The following ARHGAP10 variants were observed in gnomAD, a reference collection of about 807,000 sequenced individuals.
ARHGAP10 encodes rho GTPase-activating protein 10.
A neutral mutation model predicts 108.6 loss-of-function variants in ARHGAP10; 87 were observed. The observed-to-expected ratio is 0.80, with a 90% CI of 0.67 to 0.96. The LOEUF (loss-of-function observed/expected upper bound fraction) is 0.96. Among genes scored for constraint, ARHGAP10 ranks in the 40% least tolerant of loss-of-function variants. The pLI, the probability that ARHGAP10 is intolerant of heterozygous loss-of-function variation, is 0.00. For synonymous variants in ARHGAP10, 347 were observed against 341.1 expected, an observed-to-expected ratio of 1.02 and a Z score of -0.19; for missense variants, 939 against 954.5, an observed-to-expected ratio of 0.98 and a Z score of 0.21.
rs1739153345 is a variant in ARHGAP10, at chr4:147,965,031, C to A, written c.1458C>A (p.Gly486=). ...TTATTTTTTTTTTGGAAGAAAGCGG[C>A]AGCCCAGAATCTCGTGTTAATGCGA... ...HGDFIVPAKS[G]SPESRVNAIH... The change falls in exon 17 of 23, where the codon GGC becomes GGA. Residue 486 remains glycine (G), a synonymous_variant. Transcript: ENST00000336498. 2 of 1,533,888 alleles carry A rather than the reference C, an allele frequency of 1.3e-6. No individual in the cohort carries two copies. Among genetic ancestry groups the A allele is most frequent in the African/African-American group, 1.4e-5 (1 of 71,062 alleles).
At chr4:147,914,099 C>T (rs530006157) in intron 13 of ARHGAP10, among the ~76,000 whole-genome samples, 1 of 152,246 alleles carries the variant, frequency 6.6e-6, no homozygotes, top group South Asian at 2.1e-4. Flanking sequence ...TTGCAGTGAG[C>T]CGAGATCGTG....
In ARHGAP10 at chr4:147,732,095, C is replaced by T. The variant is rs531613516; in HGVS notation, c.-207C>T. On this transcript the variant is annotated 5_prime_UTR_variant, in exon 1 of 23. Transcript: ENST00000336498. ...GCGGGGGCTGCCGGGATTGGGGCGC[C>T]GCAGCTAGCGCTGGTCTCGGTGGCA... 4 of 350,434 alleles carry T rather than the reference C, an allele frequency of 1.1e-5. No individual in the cohort carries two copies. Among genetic ancestry groups the T allele is most frequent in the African/African-American group, 2.2e-5 (1 of 46,234 alleles). The allele number at this position is 350,434 out of a possible 1,614,324, so 21.7% of individuals were successfully genotyped here. A position where few individuals can be genotyped will look rare whatever the true frequency, so the allele number is the denominator to read the frequency against.
chr4:147,955,262 A>G lies in ARHGAP10; in HGVS notation c.1392-54A>G, dbSNP rs1738745727. ...TTAACATCCTTTCATAAAAAAACTC[A>G]GAAGTGACTTGTTTGGATTTATTTG... On this transcript the variant is annotated intron_variant, in intron 15 of 22. Coordinates refer to ENST00000336498, the MANE Select transcript of ARHGAP10 (RefSeq NM_024605.4). The G allele has an allele frequency of 2.0e-6, 3 of 1,516,280 alleles. No homozygotes were observed. In the East Asian group the frequency reaches 6.8e-5, roughly 34 times the overall value. 93.9% of individuals were successfully genotyped at this position (1,516,280 alleles called of 1,614,324 possible). A position where few individuals can be genotyped will look rare whatever the true frequency, so the allele number is the denominator to read the frequency against.
intron 7 of ARHGAP10, among the ~76,000 whole-genome samples, chr4:147,869,789 A>G (rs1734725704): frequency 6.6e-6 from 1 of 151,912 alleles, no homozygotes; most frequent in African/African-American, 2.4e-5. Flanking sequence ...TTGTTCTTCA[A>G]AATTTTAGCT....
chr4:147,770,585 C>T (rs1730036754), intron 1 of ARHGAP10, among the ~76,000 whole-genome samples: 1 of 152,138 alleles, frequency 6.6e-6, no homozygotes, highest in Non-Finnish European at 1.5e-5. Context: ...CTGTATTTAA[C>T]TTATAGTCAT....
chr4:147,852,122 A>T (rs570213789), intron 4 of ARHGAP10, among the ~76,000 whole-genome samples: 5 of 152,252 alleles, frequency 3.3e-5, no homozygotes, highest in African/African-American at 1.2e-4. Flanking sequence ...CCCATTCATG[A>T]CTTGCTCCCC....
chr4:147,879,733 C>G (rs1211037246), intron 9 of ARHGAP10, among the ~76,000 whole-genome samples: 1 of 152,034 alleles, frequency 6.6e-6, no homozygotes, highest in Non-Finnish European at 1.5e-5. Flanking sequence ...TGTGATGTTC[C>G]CCTCCCTGTG....
At chr4:147,866,933 C>T (rs1560799475) in intron 7 of ARHGAP10, 117 bp downstream of exon 7, 5 of 840,908 alleles carry the variant, frequency 5.9e-6, no homozygotes, top group Non-Finnish European at 7.3e-6. Context: ...TACTGAGAAA[C>T]TGAGGGTATG....
intron 1 of ARHGAP10, among the ~76,000 whole-genome samples, chr4:147,778,183 T>C (rs962331938): frequency 2.6e-5 from 4 of 152,196 alleles, no homozygotes; most frequent in Admixed American, 6.5e-5. Context: ...TCATGCCTGC[T>C]CAGACAGGAT....
At position 148,059,790 on chromosome 4, in the gene ARHGAP10, G is replaced by C. The variant is rs188949540; in HGVS notation, c.2028-3358G>C. Among the ~76,000 whole-genome samples the C allele has an allele frequency of 4.8e-4, 73 of 152,280 alleles. No homozygotes were observed. In the East Asian group the frequency reaches 0.011, roughly 23 times the overall value. On this transcript the variant is annotated intron_variant, in intron 20 of 22. Coordinates refer to ENST00000336498, the MANE Select transcript of ARHGAP10 (RefSeq NM_024605.4). ...GCTGGCAGAAGGCGTGGGACTCGCG[G>C]TCAGAGCCAACAGCCTCTATTAATC...
intron 1 of ARHGAP10, among the ~76,000 whole-genome samples, chr4:147,746,404 CTTT>C (rs557860855): frequency 2.3e-5 from 3 of 131,504 alleles, no homozygotes; most frequent in Non-Finnish European, 3.3e-5. Flanking sequence ...GCCAGGCCTG[CTTT>C]TTTTTTTTTT....
At chr4:147,819,730 T>G (rs1197194553) in intron 1 of ARHGAP10, among the ~76,000 whole-genome samples, 5 of 152,022 alleles carry the variant, frequency 3.3e-5, no homozygotes, top group African/African-American at 1.2e-4. Flanking sequence ...GGCTACTTTT[T>G]GTATTTCTAG....
intron 5 of ARHGAP10, 39 bp from the exon 6 acceptor site, chr4:147,864,807 C>A: frequency 6.3e-7 from 1 of 1,577,622 alleles, no homozygotes; most frequent in South Asian, 1.1e-5. Context: ...TCACTTTTCA[C>A]CATCTCCAGT....
At position 148,056,491 on chromosome 4, in the gene ARHGAP10, GA is replaced by G. The variant is rs112125052; in HGVS notation, c.2028-6653del. 9.8e-5 allele frequency among the ~76,000 whole-genome samples: 15 copies of G among 152,286 alleles called. 1 individual carries two copies. The highest frequency in any genetic ancestry group is 3.6e-4 in the African/African-American group (15 of 41,566). On this transcript the variant is annotated intron_variant, in intron 20 of 22. Coordinates refer to ENST00000336498, the MANE Select transcript of ARHGAP10 (RefSeq NM_024605.4). ...ATTTTGGAATAGTTTAAGGTATGCA[GA>G]AAAGTTACAAAGATACTACAGAGCT... is the stretch of plus-strand genomic sequence containing the variant.
intron 1 of ARHGAP10, among the ~76,000 whole-genome samples, chr4:147,784,343 A>T (rs1730713146): frequency 7.7e-6 from 1 of 129,196 alleles, no homozygotes; most frequent in African/African-American, 2.8e-5. Context: ...ACATTAAATT[A>T]TATATAATTT....
rs112144037 is a variant in ARHGAP10 at position 147,852,828 on chromosome 4, C to T, written c.385-4725C>T. On this transcript the variant is annotated intron_variant, in intron 4 of 22. Coordinates refer to ENST00000336498, the MANE Select transcript of ARHGAP10 (RefSeq NM_024605.4). The stretch of plus-strand genomic sequence containing the variant: ...CCGCCACCCAAGTTCAAGTGATTCT[C>T]GTGCCTCAGCCTCCCAAGTAGCTGG... Among the ~76,000 whole-genome samples the T allele has an allele frequency of 4.6e-3, 685 of 149,696 alleles. 2 individuals are homozygous for T. The highest frequency in any genetic ancestry group is 0.016 in the African/African-American group (640 of 40,810).
chr4:147,833,088 T>C (rs1733020003), intron 3 of ARHGAP10, among the ~76,000 whole-genome samples: 1 of 152,228 alleles, frequency 6.6e-6, no homozygotes, highest in African/African-American at 2.4e-5. Context: ...GATACAAGAA[T>C]GGAGCTCCTT....
intron 18 of ARHGAP10, among the ~76,000 whole-genome samples, chr4:148,009,272 C>T (rs1380757335): frequency 6.6e-6 from 1 of 152,012 alleles, no homozygotes; most frequent in African/African-American, 2.4e-5. Flanking sequence ...GCTGGGATTA[C>T]AGGTGCACAC....
At chr4:148,020,404 T>A (rs1018839638) in intron 18 of ARHGAP10, among the ~76,000 whole-genome samples, 5 of 152,138 alleles carry the variant, frequency 3.3e-5, no homozygotes, top group Admixed American at 1.3e-4. Flanking sequence ...CACCTAGGTA[T>A]TAAGCCCAGC....
Sources: allele counts gnomAD v4.1 joint callset (sites outside exome capture counted in the v4.1 genomes callset), GRCh38; gene constraint gnomAD v4.1.1; transcripts MANE v1.5; gene names NCBI Gene and HGNC (gene_info 2026-07-23, HGNC 2026-07-21).